ATP2C1: variants seen among roughly 807,000 people sequenced by gnomAD.
ATP2C1 encodes the protein ATPase secretory pathway Ca2+ transporting 1, also known as calcium-transporting ATPase type 2C member 1.
ATP2C1 carries 31 observed loss-of-function variants against 120.5 expected under a neutral mutation model. The ratio of observed to expected loss-of-function variants is 0.26; its 90% CI spans 0.19 to 0.35. ATP2C1 has a LOEUF of 0.35. ATP2C1 is among the 10% of genes least tolerant of loss of function. ATP2C1 has a pLI of 1.00. For missense variants in ATP2C1, 731 were observed against 1,107.5 expected, an observed-to-expected ratio of 0.66 and a Z score of 4.83; for synonymous variants, 351 against 358.7, an observed-to-expected ratio of 0.98 and a Z score of 0.24.
intron 11 of ATP2C1, among the ~76,000 whole-genome samples, chr3:130,957,115 G>A (rs929125428): frequency 6.6e-6 from 1 of 152,066 alleles, no homozygotes; most frequent in African/African-American, 2.4e-5. Context: ...TCATTGCCAA[G>A]GTCTGGTTGC....
intron 11 of ATP2C1, among the ~76,000 whole-genome samples, chr3:130,957,038 T>G (rs2060612687): frequency 1.3e-5 from 2 of 152,250 alleles, no homozygotes; most frequent in Admixed American, 6.5e-5. Flanking sequence ...AATTAACCAT[T>G]TATGCCTAGT....
chr3:130,894,761 C>T lies in ATP2C1; in HGVS notation c.-9C>T, dbSNP rs753579607. 3 of 1,614,110 alleles carry T rather than the reference C, an allele frequency of 1.9e-6. No individual in the cohort carries two copies. Among genetic ancestry groups the T allele is most frequent in the Non-Finnish European group, 2.5e-6 (3 of 1,180,006 alleles). ...GTAGCCATCAACCCGAGTGCAGTTTCGATGGAAAATGAAGGTAAAGGCCCC... is the reference window on the plus strand; with the variant it reads ...GTAGCCATCAACCCGAGTGCAGTTTTGATGGAAAATGAAGGTAAAGGCCCC... On this transcript the variant is annotated 5_prime_UTR_variant, in exon 2 of 28. Coordinates refer to ENST00000510168, the MANE Select transcript of ATP2C1 (RefSeq NM_001378687.1). The surrounding 1 kb of genome is among the most constrained non-coding windows in gnomAD (Gnocchi z 4.5).
At chr3:130,993,808 TG>T in intron 21 of ATP2C1, 123 bp from the exon 22 acceptor site, 1 of 948,818 alleles carries the variant, frequency 1.1e-6, no homozygotes, top group Non-Finnish European at 1.6e-6. Context: ...GAACAATGGG[TG>T]GTCTATATTA....
At chr3:130,979,739 C>G (rs985647286) in intron 19 of ATP2C1, among the ~76,000 whole-genome samples, 1 of 152,082 alleles carries the variant, frequency 6.6e-6, no homozygotes, top group Non-Finnish European at 1.5e-5. Context: ...AAACATGAAA[C>G]TTAGTTTTTC....
downstream of ATP2C1, among the ~76,000 whole-genome samples, chr3:131,007,297 G>A (rs1248920349): frequency 2.6e-5 from 4 of 152,170 alleles, no homozygotes; most frequent in East Asian, 5.8e-4. Context: ...GCAGGTCACC[G>A]TACACACCTG....
intron 26 of ATP2C1, chr3:131,013,993 TG>T: frequency 8.4e-7 from 1 of 1,193,770 alleles, no homozygotes; most frequent in Non-Finnish European, 1.2e-6. Context: ...GTTTCAAGGG[TG>T]GTAACGGAAG....
At chr3:130,963,936 C>T (rs2060938931) in intron 12 of ATP2C1, 35 bp from the exon 13 acceptor site, 1 of 1,610,290 alleles carries the variant, frequency 6.2e-7, no homozygotes, top group Admixed American at 1.7e-5. Context: ...TGCTGTTTAA[C>T]CTACATTTTA....
chr3:130,864,518 A>C lies in ATP2C1; in HGVS notation c.108+13590A>C, dbSNP rs2068107662. On this transcript the variant is annotated intron_variant, in intron 1 of 26. Transcript: ENST00000504381. Reference sequence around the variant, plus strand: ...GAGCCTAATGATAATCCCCAAGACCATGGGGAAAGTATCTCCAGGCCATTT... The same window carrying C: ...GAGCCTAATGATAATCCCCAAGACCCTGGGGAAAGTATCTCCAGGCCATTT... 2.0e-5 allele frequency among the ~76,000 whole-genome samples: 3 copies of C among 152,260 alleles called. No individual in the cohort carries two copies. The South Asian group carries it at 6.2e-4, about 31-fold the overall frequency.
chr3:130,983,541 G>C (rs2061865807), intron 20 of ATP2C1, among the ~76,000 whole-genome samples: 1 of 152,150 alleles, frequency 6.6e-6, no homozygotes, highest in East Asian at 1.9e-4. Flanking sequence ...TAGGGGTTTT[G>C]ACAAATGCAT....
Position 130,993,973 on chromosome 3 carries a change from T to A in ATP2C1, c.1932T>A (p.Asp644Glu), listed in dbSNP as rs749331111. The change falls in exon 22 of 28, where the codon GAT (aspartate) becomes GAA (glutamate). Residue 644 changes from aspartate (D) to glutamate (E), a missense_variant. Coordinates refer to ENST00000510168, the MANE Select transcript of ATP2C1 (RefSeq NM_001378687.1). ...KNGSVVAMTGDGVNDAVALKA... is the reference protein window; with the variant it reads ...KNGSVVAMTGEGVNDAVALKA... ...GTTCAGTTGTAGCCATGACAGGAGA[T>A]GGAGTAAATGATGCAGTTGCTCTGA... The A allele has an allele frequency of 6.2e-7, 1 of 1,614,098 alleles. No individual in the cohort carries two copies. Among genetic ancestry groups the A allele is most frequent in the South Asian group, 1.1e-5 (1 of 91,078 alleles).
chr3:130,976,430 C>A (rs1434282382), intron 18 of ATP2C1, among the ~76,000 whole-genome samples: 1 of 152,152 alleles, frequency 6.6e-6, no homozygotes, highest in Non-Finnish European at 1.5e-5. Context: ...TACCCCTGCC[C>A]CCAGAGCCTG....
At chr3:130,925,745 G>A (rs925082172) in intron 2 of ATP2C1, among the ~76,000 whole-genome samples, 4 of 151,830 alleles carry the variant, frequency 2.6e-5, no homozygotes, top group African/African-American at 7.3e-5. Context: ...CGAGGTGGGG[G>A]CAGGAATAGG....
At position 130,980,641 on chromosome 3, in the gene ATP2C1, G is replaced by A; in HGVS notation, c.1801G>A (p.Ala601Thr). ...GTCAGTCTCAGGAGAAGAAATAGAT[G>A]CAATGGATGTTCAGCAGCTTTCACA... The part of the protein sequence containing the change: ...SQSVSGEEID[A>T]MDVQQLSQIV... The change falls in exon 20 of 28, where the codon GCA (alanine) becomes ACA (threonine). Residue 601 changes from alanine to threonine, a missense_variant. Physicochemically the swap from Ala to Thr is moderately conservative, Grantham distance 58. This residue lies in a region of ATP2C1 where 571 missense variants were observed against 845.9 expected (regional missense o/e 0.67). Transcript: ENST00000510168. The A allele has an allele frequency of 6.2e-7, 1 of 1,613,386 alleles. No homozygotes were observed. The highest frequency in any genetic ancestry group is 8.5e-7 in the Non-Finnish European group (1 of 1,179,486).
chr3:130,866,654 A>G (rs1425370333), intron 1 of ATP2C1, among the ~76,000 whole-genome samples: 2 of 152,202 alleles, frequency 1.3e-5, no homozygotes, highest in Non-Finnish European at 2.9e-5. Context: ...CAATTACCTA[A>G]GAGGGGAGAA....
At chr3:130,936,613 C>A (rs2059679974) in intron 5 of ATP2C1, among the ~76,000 whole-genome samples, 1 of 151,714 alleles carries the variant, frequency 6.6e-6, no homozygotes, top group Non-Finnish European at 1.5e-5. Flanking sequence ...GAGATTGAGA[C>A]CATCCTGGCT....
intron 1 of ATP2C1, among the ~76,000 whole-genome samples, chr3:130,863,076 G>T (rs898550453): frequency 2.0e-5 from 3 of 152,038 alleles, no homozygotes; most frequent in African/African-American, 7.2e-5. Context: ...ACCCAGCTCT[G>T]GAGGAAAGGT....
intron 6 of ATP2C1, among the ~76,000 whole-genome samples, chr3:130,938,673 T>C (rs1559947818): frequency 1.3e-5 from 2 of 152,190 alleles, no homozygotes; most frequent in Non-Finnish European, 1.5e-5. Flanking sequence ...TAGTCTAGCA[T>C]AGGTCATGTC....
chr3:130,924,365 G>A (rs2059109039), intron 2 of ATP2C1, among the ~76,000 whole-genome samples: 1 of 152,188 alleles, frequency 6.6e-6, no homozygotes, highest in Admixed American at 6.5e-5. Context: ...ATTCTTGGCT[G>A]ATAATTGTTT....
intron 20 of ATP2C1, among the ~76,000 whole-genome samples, chr3:130,984,959 A>G (rs1448770589): frequency 1.3e-5 from 2 of 152,232 alleles, no homozygotes; most frequent in Non-Finnish European, 2.9e-5. Context: ...TATGAACTGT[A>G]TTTATAAAGA....
Sources: allele counts gnomAD v4.1 joint callset (sites outside exome capture counted in the v4.1 genomes callset), GRCh38; gene constraint gnomAD v4.1.1; regional missense constraint gnomAD v4.1.1; non-coding constraint Gnocchi (gnomAD v3.1); transcripts MANE v1.5; gene names NCBI Gene and HGNC (gene_info 2026-07-23, HGNC 2026-07-21).